KIF19: variants seen among roughly 807,000 people sequenced by gnomAD.
The protein encoded by KIF19 is kinesin family member 19.
A neutral mutation model predicts 106.6 loss-of-function variants in KIF19; 98 were observed. That is an observed-to-expected ratio of 0.92 (90% CI 0.78 to 1.09). KIF19 has a LOEUF of 1.09. Among genes scored for constraint, KIF19 ranks in the 50% least tolerant of loss-of-function variants. KIF19 has a pLI of 0.00. For synonymous variants in KIF19, 516 were observed against 584.2 expected (o/e 0.88, Z 1.68); for missense variants, 1,373 against 1,414.3 (o/e 0.97, Z 0.47).
chr17:74,337,985 G>A (rs1036310908), intron 2 of KIF19, among the ~76,000 whole-genome samples: 22 of 152,394 alleles, frequency 1.4e-4, no homozygotes, highest in Admixed American at 1.2e-3. Context: ...CTCTTTAAGC[G>A]GGGATCGTGG....
At position 74,344,225 on chromosome 17, in the gene KIF19, C is replaced by A. The variant is rs781330690; in HGVS notation, c.459C>A (p.Ile153=). 1 of 1,611,104 alleles carries A rather than the reference C, an allele frequency of 6.2e-7. No individual in the cohort carries two copies. Among genetic ancestry groups the A allele is most frequent in the South Asian group, 1.1e-5 (1 of 90,912 alleles). The change falls in exon 6 of 20, where the codon ATC becomes ATA. Residue 153 remains isoleucine, a splice_region_variant and synonymous_variant. Coordinates refer to ENST00000389916, the MANE Select transcript of KIF19 (RefSeq NM_153209.4). The part of the protein sequence containing the change: ...EYEVSMSYLE[I]YNEMIRDLLN... ...CCCTCCCCCACCTGTCCCGTCAGAT[C>A]TACAATGAGATGATCCGGGACCTGC...
chr17:74,335,552 C>T (rs1048729234), intron 2 of KIF19, among the ~76,000 whole-genome samples: 1 of 152,228 alleles, frequency 6.6e-6, no homozygotes, highest in Non-Finnish European at 1.5e-5. Flanking sequence ...ACTCCGACTC[C>T]GTCTGGAACT....
intron 2 of KIF19, among the ~76,000 whole-genome samples, chr17:74,339,258 G>A (rs1348216512): frequency 2.0e-5 from 3 of 151,876 alleles, no homozygotes; most frequent in East Asian, 1.9e-4. Flanking sequence ...AAGGGTAGCC[G>A]GAGCACCAGC....
chr17:74,330,956 C>T (rs2054061352), intron 2 of KIF19, among the ~76,000 whole-genome samples: 1 of 152,220 alleles, frequency 6.6e-6, no homozygotes, highest in South Asian at 2.1e-4. Flanking sequence ...ACCAGGGATC[C>T]AGCCCAGCCC....
chr17:74,352,374 A>G, intron 14 of KIF19, 34 bp downstream of exon 14: 2 of 1,583,472 alleles, frequency 1.3e-6, no homozygotes, highest in Non-Finnish European at 1.7e-6. Flanking sequence ...GAACATGGGC[A>G]CATGTGCCCA....
At position 74,353,498 on chromosome 17, in the gene KIF19, C is replaced by G. The variant is rs182090578; in HGVS notation, c.2225C>G (p.Pro742Arg). 192 of 1,613,578 alleles carry G rather than the reference C, an allele frequency of 1.2e-4. No individual in the cohort carries two copies. In the African/African-American group the frequency reaches 2.3e-3, roughly 19 times the overall value. ...CCCAACCACTCCACCCCACAGGCCC[C>G]GGCTCAGGACAGCCTGGGCAGCTGG... ...QLGSLVTQEAPAQDSLGSWIN... is the reference protein window; with the variant it reads ...QLGSLVTQEARAQDSLGSWIN... The change falls in exon 17 of 20, where the codon CCG (proline) becomes CGG (arginine). Residue 742 changes from proline (P) to arginine (R), a missense_variant. Pro to Arg is a moderately radical substitution (Grantham distance 103). Around this residue, in one of 3 missense-constraint regions of KIF19, gnomAD observed 1,020 missense variants for 1,008.2 expected, o/e 1.01. Transcript: ENST00000389916.
chr17:74,334,352 G>A (rs2054172011), intron 2 of KIF19, among the ~76,000 whole-genome samples: 1 of 152,164 alleles, frequency 6.6e-6, no homozygotes, highest in South Asian at 2.1e-4. Flanking sequence ...TTCTGACTGT[G>A]CGCGTGTGGG....
chr17:74,353,600 GC>G lies in KIF19; in HGVS notation c.2308+22del, dbSNP rs1421755990. 1.9e-6 allele frequency: 3 copies of G among 1,597,892 alleles called. No individual in the cohort carries two copies. Among genetic ancestry groups the G allele is most frequent in the Non-Finnish European group, 2.6e-6 (3 of 1,165,916 alleles). On this transcript the variant is annotated intron_variant, in intron 17 of 19. Coordinates refer to ENST00000389916, the MANE Select transcript of KIF19 (RefSeq NM_153209.4). ...CACAAAGGTATGTGTGCCCTCTGCT[GC>G]CCGGCCACCTCACCTGGCCTTGTCT...
chr17:74,327,268 C>T (rs1363519532), intron 1 of KIF19, among the ~76,000 whole-genome samples: 1 of 152,208 alleles, frequency 6.6e-6, no homozygotes, highest in African/African-American at 2.4e-5. Context: ...GCCTCAGCTC[C>T]AGCCCCCAAG....
chr17:74,335,192 G>A (rs1567900318), intron 2 of KIF19, among the ~76,000 whole-genome samples: 1 of 152,274 alleles, frequency 6.6e-6, no homozygotes, highest in South Asian at 2.1e-4. Context: ...GGAAGGGTGC[G>A]ACTGGCATCT....
chr17:74,340,666 TCCCTTTCCA>T (rs1198380218), intron 2 of KIF19, among the ~76,000 whole-genome samples: 3 of 152,084 alleles, frequency 2.0e-5, no homozygotes, highest in African/African-American at 4.8e-5. Context: ...CCCCTCTGCC[TCCCTTTCCA>T]CCCTTTCCAC....
intron 3 of KIF19, 45 bp from the exon 4 acceptor site, chr17:74,342,585 T>C: frequency 6.7e-7 from 1 of 1,486,274 alleles, no homozygotes. Flanking sequence ...GCCTGTGCTG[T>C]GCCCCGCCTG....
chr17:74,342,977 T>TGCCA, intron 4 of KIF19, 47 bp from the exon 5 acceptor site: 42 of 1,527,802 alleles, frequency 2.7e-5, no homozygotes, highest in Non-Finnish European at 3.4e-5. Context: ...CAGCAAGGCC[T>TGCCA]CCCTCCCAGC....
In KIF19 at chr17:74,352,074, C is replaced by G. The variant is rs1437700661; in HGVS notation, c.1795C>G (p.Arg599Gly). 1 of 1,592,646 alleles carries G rather than the reference C, an allele frequency of 6.3e-7. No individual in the cohort carries two copies. The highest frequency in any genetic ancestry group is 1.3e-5 in the African/African-American group (1 of 74,192). ...ALRHRHEAVR[R>G]LEQHRSLCDE... ...CCGCCACCGCCACGAGGCCGTGCGC[C>G]GCCTGGAGCAGCACCGCAGTCTCTG... The change falls in exon 13 of 20, where the codon CGC (arginine) becomes GGC (glycine). Residue 599 changes from arginine (R) to glycine (G), a missense_variant. By Grantham distance (125) the Arg-to-Gly change is moderately radical. This residue lies in a region of KIF19 where 1,020 missense variants were observed against 1,008.2 expected (regional missense o/e 1.01). Transcript: ENST00000389916.
intron 1 of KIF19, among the ~76,000 whole-genome samples, chr17:74,327,620 G>C (rs1028608669): frequency 6.6e-6 from 1 of 152,168 alleles, no homozygotes; most frequent in African/African-American, 2.4e-5. Context: ...TAACAGGCAT[G>C]CACCACCACG....
chr17:74,335,516 G>A (rs567476407), intron 2 of KIF19, among the ~76,000 whole-genome samples: 4 of 152,354 alleles, frequency 2.6e-5, no homozygotes, highest in South Asian at 2.1e-4. Context: ...ACTTCCCTAC[G>A]GGATCTTGAG....
rs748417558 is a variant in KIF19, at chr17:74,354,291, A to C, written c.2438A>C (p.His813Pro). 5.6e-6 allele frequency: 9 copies of C among 1,608,864 alleles called. No homozygotes were observed. The South Asian group carries it at 9.9e-5, about 18-fold the overall frequency. ...ACAGAGCGCAGCAGCCTGTCCCTGC[A>C]CTCACTGAGCGAGGGCGACGATGCG... ...PATERSSLSL[H>P]SLSEGDDARP... The change falls in exon 18 of 20, where the codon CAC becomes CCC. Residue 813 changes from histidine to proline, a missense_variant. His to Pro is a moderately conservative substitution (Grantham distance 77). This residue lies in a region of KIF19 where 1,020 missense variants were observed against 1,008.2 expected (regional missense o/e 1.01). Coordinates refer to ENST00000389916, the MANE Select transcript of KIF19 (RefSeq NM_153209.4).
At position 74,331,110 on chromosome 17, in the gene KIF19, C is replaced by A. The variant is rs149221470; in HGVS notation, c.120+2605C>A. ...ACCCAGGAAGCAAAATGCACATGGA[C>A]CCCCCCTTACCCTTGTCCCCGACCT... On this transcript the variant is annotated intron_variant, in intron 2 of 19. Coordinates refer to ENST00000389916, the MANE Select transcript of KIF19 (RefSeq NM_153209.4). This position sits in a 1 kb window ranked among gnomAD's most constrained non-coding sequence, Gnocchi z 4.1. Among the ~76,000 whole-genome samples the A allele has an allele frequency of 2.3e-4, 35 of 152,086 alleles. No homozygotes were observed. The East Asian group carries it at 6.6e-3, about 29-fold the overall frequency.
At chr17:74,335,392 A>C (rs531229387) in intron 2 of KIF19, among the ~76,000 whole-genome samples, 1 of 152,378 alleles carries the variant, frequency 6.6e-6, no homozygotes, top group East Asian at 1.9e-4. Flanking sequence ...GCAGCCTAGT[A>C]GTGTGACATG....
Sources: allele counts gnomAD v4.1 joint callset (sites outside exome capture counted in the v4.1 genomes callset), GRCh38; gene constraint gnomAD v4.1.1; regional missense constraint gnomAD v4.1.1; non-coding constraint Gnocchi (gnomAD v3.1); transcripts MANE v1.5; gene names NCBI Gene and HGNC (gene_info 2026-07-23, HGNC 2026-07-21).